Variants in CADM2 observed in about 807,000 individuals in gnomAD.
The protein encoded by CADM2 is immunoglobulin superfamily member 4D.
A neutral mutation model predicts 49.8 loss-of-function variants in CADM2; 12 were observed. The observed-to-expected ratio is 0.24, with a 90% CI of 0.15 to 0.39. The LOEUF (loss-of-function observed/expected upper bound fraction) is 0.39. CADM2 is among the 10% of genes least tolerant of loss of function. The pLI, the probability that CADM2 is intolerant of heterozygous loss-of-function variation, is 1.00. For synonymous variants in CADM2, 214 were observed against 175.4 expected, an observed-to-expected ratio of 1.22 and a Z score of -1.74; for missense variants, 378 against 492.3, an observed-to-expected ratio of 0.77 and a Z score of 2.20.
At chr3:84,996,642 A>G (rs2107197961) in intron 1 of CADM2, among the ~76,000 whole-genome samples, 1 of 152,278 alleles carries the variant, frequency 6.6e-6, no homozygotes, top group South Asian at 2.1e-4. Context: ...ATGTCTTTAT[A>G]AGCTTTGTAT....
At chr3:85,430,893 TACTA>T (rs1182386000) in intron 1 of CADM2, among the ~76,000 whole-genome samples, 1 of 152,110 alleles carries the variant, frequency 6.6e-6, no homozygotes, top group Admixed American at 6.6e-5. Flanking sequence ...GAGCAGAAGG[TACTA>T]ACTAAGACTA....
chr3:86,021,296 G>C (rs1733139848), intron 8 of CADM2, among the ~76,000 whole-genome samples: 1 of 147,600 alleles, frequency 6.8e-6, no homozygotes. Context: ...CACCGCACCT[G>C]GCCAAAACTG....
chr3:85,437,479 G>C (rs545208039), intron 1 of CADM2, among the ~76,000 whole-genome samples: 2 of 152,074 alleles, frequency 1.3e-5, no homozygotes, highest in African/African-American at 4.8e-5. Context: ...CATTGAATGA[G>C]TGTTCCTGTT....
intron 3 of CADM2, among the ~76,000 whole-genome samples, chr3:85,849,805 G>A (rs1308551523): frequency 6.6e-6 from 1 of 152,114 alleles, no homozygotes; most frequent in African/African-American, 2.4e-5. Flanking sequence ...TTTAGTAAAT[G>A]CTAGATTTAA....
chr3:85,583,013 T>A (rs533125741), intron 1 of CADM2, among the ~76,000 whole-genome samples: 1 of 152,294 alleles, frequency 6.6e-6, no homozygotes, highest in Admixed American at 6.5e-5. Flanking sequence ...AAATTACTTA[T>A]GTGTTTAGTA....
chr3:85,594,403 A>G (rs571429279), intron 1 of CADM2, among the ~76,000 whole-genome samples: 3 of 152,108 alleles, frequency 2.0e-5, no homozygotes, highest in Admixed American at 6.6e-5. Flanking sequence ...CAGTGAATTC[A>G]AAAGCCATTG....
chr3:86,070,345 G>A lies in CADM2; in HGVS notation c.*3562G>A, dbSNP rs1462861701. ...ACATGTATAGCAGCTGTTTGACAGT[G>A]ATGGCTCTTCCATGTAACATAGCAG... On this transcript the variant is annotated 3_prime_UTR_variant, in exon 10 of 10. Coordinates refer to ENST00000383699, the MANE Select transcript of CADM2 (RefSeq NM_001167675.2). The A allele has an allele frequency of 6.6e-6, 1 of 151,922 alleles. No homozygotes were observed. Among genetic ancestry groups the A allele is most frequent in the Non-Finnish European group, 1.5e-5 (1 of 67,882 alleles). The allele number at this position is 151,922 out of a possible 1,614,324, so 9.4% of individuals were successfully genotyped here.
At chr3:85,671,387 A>G (rs796902595) in intron 1 of CADM2, among the ~76,000 whole-genome samples, 4 of 152,282 alleles carry the variant, frequency 2.6e-5, no homozygotes, top group African/African-American at 9.6e-5. Context: ...ATTATAGTAG[A>G]GCAACAAACC....
chr3:85,124,464 G>C (rs2038963492), intron 1 of CADM2, among the ~76,000 whole-genome samples: 1 of 151,846 alleles, frequency 6.6e-6, no homozygotes, highest in Admixed American at 6.6e-5. Flanking sequence ...AATTAGCTGG[G>C]CACGGTGGTG....
At chr3:85,228,994 C>T (rs1011360855) in intron 1 of CADM2, among the ~76,000 whole-genome samples, 1 of 152,178 alleles carries the variant, frequency 6.6e-6, no homozygotes, top group Admixed American at 6.5e-5. Context: ...GGTCTGCTGC[C>T]TTTTGTTCAG....
chr3:85,430,946 TTA>T (rs1293438957), intron 1 of CADM2, among the ~76,000 whole-genome samples: 4 of 152,128 alleles, frequency 2.6e-5, no homozygotes, highest in Non-Finnish European at 5.9e-5. Context: ...AACGATGTGA[TTA>T]TTTAATAAGG....
intron 2 of CADM2, among the ~76,000 whole-genome samples, chr3:85,776,974 C>G (rs73845657): frequency 0.051 from 7,722 of 152,048 alleles, 555 homozygotes; most frequent in African/African-American, 0.16. Context: ...CAATTTAATG[C>G]ATTCCTGTGT....
At chr3:85,061,213 T>C (rs899819258) in intron 1 of CADM2, among the ~76,000 whole-genome samples, 1 of 152,186 alleles carries the variant, frequency 6.6e-6, no homozygotes, top group Admixed American at 6.6e-5. Flanking sequence ...AAAATGTTTC[T>C]CGTGATGAAA....
intron 1 of CADM2, among the ~76,000 whole-genome samples, chr3:85,438,364 GA>G (rs35614735): frequency 0.61 from 88,286 of 145,746 alleles, 26,516 homozygotes; most frequent in East Asian, 0.83. Context: ...CGTGGTGTTT[GA>G]AAAAAAAAAA....
intron 8 of CADM2, chr3:86,014,114 G>A (rs1731900321): frequency 7.0e-6 from 9 of 1,290,580 alleles, no homozygotes; most frequent in Non-Finnish European, 8.5e-6. Context: ...GCCATTTTCA[G>A]TGGACACGCA....
At chr3:85,569,215 G>T (rs2062404819) in intron 1 of CADM2, among the ~76,000 whole-genome samples, 1 of 151,950 alleles carries the variant, frequency 6.6e-6, no homozygotes, top group Non-Finnish European at 1.5e-5. Context: ...GTACCTTTTA[G>T]ATTCTTTTTT....
chr3:85,048,909 G>A (rs1301480491), intron 1 of CADM2, among the ~76,000 whole-genome samples: 1 of 152,112 alleles, frequency 6.6e-6, no homozygotes, highest in Non-Finnish European at 1.5e-5. Context: ...TCAGCAAGAA[G>A]TAGTATTCAG....
chr3:85,415,406 T>C (rs2035872810), intron 1 of CADM2, among the ~76,000 whole-genome samples: 1 of 91,464 alleles, frequency 1.1e-5, no homozygotes. Context: ...GTACGAATAG[T>C]GCCAGCTTTT....
intron 1 of CADM2, among the ~76,000 whole-genome samples, chr3:85,612,833 A>T (rs2063713064): frequency 6.6e-6 from 1 of 151,786 alleles, no homozygotes; most frequent in Admixed American, 6.6e-5. Flanking sequence ...TGATAGTTAA[A>T]TCAGTATATT....
Sources: gnomAD v4.1 joint callset for allele counts (sites outside exome capture counted in the v4.1 genomes callset) on GRCh38, gnomAD v4.1.1 for gene constraint, MANE v1.5 for transcripts, NCBI Gene and HGNC (gene_info 2026-07-23, HGNC 2026-07-21) for gene names.